CNTN4: variants seen among roughly 807,000 people sequenced by gnomAD.
CNTN4 encodes the protein contactin 4.
In CNTN4, 77 loss-of-function variants were observed where a neutral mutation model predicts 122.5. That is an observed-to-expected ratio of 0.63 (90% CI 0.52 to 0.76). The LOEUF (loss-of-function observed/expected upper bound fraction) is 0.76, where lower values mean the gene tolerates loss of function less well. Ranked by LOEUF, CNTN4 falls within the 30% of genes least tolerant of loss-of-function variation. The pLI, the probability that CNTN4 is intolerant of heterozygous loss-of-function variation, is 0.00. For synonymous variants in CNTN4, 512 were observed against 447.0 expected, an observed-to-expected ratio of 1.15 and a Z score of -1.83; for missense variants, 1,256 against 1,259.1, an observed-to-expected ratio of 1.00 and a Z score of 0.04.
At chr3:2,874,501 T>G (rs2093821689) in intron 8 of CNTN4, among the ~76,000 whole-genome samples, 1 of 152,168 alleles carries the variant, frequency 6.6e-6, no homozygotes, top group African/African-American at 2.4e-5. Context: ...ACTCATTGAG[T>G]ATCTGTTCTC....
intron 2 of CNTN4, among the ~76,000 whole-genome samples, chr3:2,106,816 A>G (rs923121727): frequency 1.3e-5 from 2 of 152,220 alleles, no homozygotes; most frequent in African/African-American, 4.8e-5. Context: ...ATCAGGCTGC[A>G]AATTTTTCAA....
chr3:2,268,895 C>A (rs190561692), intron 2 of CNTN4, among the ~76,000 whole-genome samples: 5 of 152,208 alleles, frequency 3.3e-5, no homozygotes, highest in Admixed American at 2.6e-4. Flanking sequence ...GGGGTAGTTT[C>A]TCCTCCTTTT....
chr3:2,337,429 G>A lies in CNTN4; in HGVS notation c.-144-1749G>A, dbSNP rs528747737. On this transcript the variant is annotated intron_variant, in intron 2 of 24. Transcript: ENST00000418658. ...TCTTGCCAATGTTACTGCTACTAGTGGATACTATAACTAGTGGCTAAACTG... is the reference window on the plus strand; with the variant it reads ...TCTTGCCAATGTTACTGCTACTAGTAGATACTATAACTAGTGGCTAAACTG... Among the ~76,000 whole-genome samples, 3 of 152,104 alleles carry A rather than the reference G, an allele frequency of 2.0e-5. No homozygotes were observed. In the South Asian group the frequency reaches 6.2e-4, roughly 32 times the overall value.
chr3:2,981,428 A>G lies in CNTN4; in HGVS notation c.1359-6917A>G, dbSNP rs541190531. On this transcript the variant is annotated intron_variant, in intron 13 of 24. Coordinates refer to ENST00000418658, the MANE Select transcript of CNTN4 (RefSeq NM_175607.3). ...CACTGCACTCCAGCCTGGGCGACAG[A>G]GCGAGACTCCGTCTCAAAAAACAAA... Among the ~76,000 whole-genome samples, 24 of 152,172 alleles carry G rather than the reference A, an allele frequency of 1.6e-4. 1 individual carries two copies. In the South Asian group the frequency reaches 4.1e-3, roughly 26 times the overall value.
chr3:2,695,363 C>T (rs2085969270), intron 4 of CNTN4, among the ~76,000 whole-genome samples: 1 of 152,208 alleles, frequency 6.6e-6, no homozygotes, highest in African/African-American at 2.4e-5. Context: ...AAGTAAACCC[C>T]TCTTATGCAC....
intron 4 of CNTN4, among the ~76,000 whole-genome samples, chr3:2,692,806 C>T (rs2085814548): frequency 6.6e-6 from 1 of 151,906 alleles, no homozygotes; most frequent in African/African-American, 2.4e-5. Flanking sequence ...GAACAAAAGA[C>T]CTCTCATTTT....
chr3:2,595,124 G>T (rs1301416336), intron 4 of CNTN4, among the ~76,000 whole-genome samples: 1 of 152,154 alleles, frequency 6.6e-6, no homozygotes, highest in Non-Finnish European at 1.5e-5. Flanking sequence ...TATTCTATTT[G>T]AATGTCTTAA....
At chr3:2,105,031 T>C (rs1170625276) in intron 2 of CNTN4, among the ~76,000 whole-genome samples, 2 of 152,152 alleles carry the variant, frequency 1.3e-5, no homozygotes, top group Non-Finnish European at 2.9e-5. Flanking sequence ...CTGTCCACAG[T>C]AATTGCTTCT....
Position 3,026,116 on chromosome 3 carries a change from A to T in CNTN4, c.1501A>T (p.Met501Leu). ...TAACTCTCCAGATCCAACAAGGGTA[A>T]TGGTACCCCCTTCCAGTATGGATGT... ...NLVVKDPTRV[M>L]VPPSSMDVTV... Residue 501 changes from methionine to leucine, a missense_variant, in exon 15 of 25, where the codon ATG becomes TTG. By Grantham distance (15) the Met-to-Leu change is conservative. Transcript: ENST00000418658. The T allele has an allele frequency of 6.2e-7, 1 of 1,613,258 alleles. No individual in the cohort carries two copies. The highest frequency in any genetic ancestry group is 1.1e-5 in the South Asian group (1 of 91,070).
chr3:2,487,226 A>G (rs2076188416), intron 3 of CNTN4, among the ~76,000 whole-genome samples: 2 of 152,230 alleles, frequency 1.3e-5, no homozygotes, highest in African/African-American at 4.8e-5. Flanking sequence ...ATATAAACAT[A>G]TCATTTCTGA....
At chr3:2,941,008 T>C (rs554894461) in intron 13 of CNTN4, among the ~76,000 whole-genome samples, 16 of 152,328 alleles carry the variant, frequency 1.1e-4, no homozygotes, top group Non-Finnish European at 2.9e-5. Context: ...TTCCAAAGGA[T>C]GCATAAAATT....
At chr3:2,871,399 A>G (rs2093782639) in intron 8 of CNTN4, among the ~76,000 whole-genome samples, 1 of 152,200 alleles carries the variant, frequency 6.6e-6, no homozygotes, top group African/African-American at 2.4e-5. Context: ...AATAGTGGAT[A>G]ATGACAGGGA....
intron 6 of CNTN4, among the ~76,000 whole-genome samples, chr3:2,764,414 G>A (rs1232774289): frequency 6.6e-6 from 1 of 152,180 alleles, no homozygotes; most frequent in East Asian, 1.9e-4. Flanking sequence ...AATGTACAAA[G>A]GTGCTGTGGT....
chr3:2,319,049 A>G (rs2043199794), intron 2 of CNTN4, among the ~76,000 whole-genome samples: 1 of 152,064 alleles, frequency 6.6e-6, no homozygotes, highest in Admixed American at 6.6e-5. Flanking sequence ...TGTAAATCCA[A>G]ATTTGTTCTT....
At chr3:2,564,793 G>A (rs541617062) in intron 3 of CNTN4, among the ~76,000 whole-genome samples, 1 of 151,996 alleles carries the variant, frequency 6.6e-6, no homozygotes, top group East Asian at 1.9e-4. Context: ...TTCTATAAGG[G>A]GAAAGTATAT....
intron 7 of CNTN4, among the ~76,000 whole-genome samples, chr3:2,831,752 C>G (rs1466153046): frequency 6.6e-6 from 1 of 152,186 alleles, no homozygotes; most frequent in African/African-American, 2.4e-5. Flanking sequence ...CGTAGCATTT[C>G]AGAAATATCC....
chr3:2,225,469 T>C (rs1153528), intron 2 of CNTN4, among the ~76,000 whole-genome samples: 150,710 of 152,252 alleles, frequency 0.99, 74,615 homozygotes, highest in Middle Eastern at 1. Flanking sequence ...GCCGAGATCG[T>C]GCTGCTGCAC....
At position 2,223,872 on chromosome 3, in the gene CNTN4, T is replaced by C. The variant is rs187277851; in HGVS notation, c.-144-115306T>C. ...AGTGCAGCCATCCCACAAAACGGGGTCCCACAACTTGAAGAAGGGTCAGAT... is the reference window on the plus strand; with the variant it reads ...AGTGCAGCCATCCCACAAAACGGGGCCCCACAACTTGAAGAAGGGTCAGAT... On this transcript the variant is annotated intron_variant, in intron 2 of 24. Transcript: ENST00000418658. 1.1e-4 allele frequency among the ~76,000 whole-genome samples: 16 copies of C among 151,916 alleles called. No individual in the cohort carries two copies. The East Asian group carries it at 2.5e-3, about 24-fold the overall frequency.
chr3:2,751,022 C>A (rs2090061752), intron 6 of CNTN4, among the ~76,000 whole-genome samples: 1 of 152,100 alleles, frequency 6.6e-6, no homozygotes, highest in African/African-American at 2.4e-5. Flanking sequence ...ATGCTTATGG[C>A]CAGGCGCGAT....
Sources: allele counts gnomAD v4.1 joint callset (sites outside exome capture counted in the v4.1 genomes callset), GRCh38; gene constraint gnomAD v4.1.1; transcripts MANE v1.5; gene names NCBI Gene and HGNC (gene_info 2026-07-23, HGNC 2026-07-21).